AUTS2: variants seen among roughly 807,000 people sequenced by gnomAD.
AUTS2 encodes the protein autism susceptibility gene 2 protein.
A neutral mutation model predicts 112.4 loss-of-function variants in AUTS2; 17 were observed. That is an observed-to-expected ratio of 0.15 (90% CI 0.10 to 0.23). AUTS2 has a LOEUF of 0.23. Among genes scored for constraint, AUTS2 ranks in the 10% least tolerant of loss-of-function variants. The pLI is 1.00. For synonymous variants in AUTS2, 751 were observed against 702.7 expected, an observed-to-expected ratio of 1.07 and a Z score of -1.09; for missense variants, 1,510 against 1,701.6, an observed-to-expected ratio of 0.89 and a Z score of 1.98.
intron 2 of AUTS2, among the ~76,000 whole-genome samples, chr7:69,991,779 G>C (rs986689854): frequency 1.1e-4 from 16 of 152,136 alleles, no homozygotes; most frequent in African/African-American, 3.6e-4. Context: ...TTAAAAATTG[G>C]GAAACTGAAG....
At chr7:70,444,240 T>C (rs1796227815) in intron 5 of AUTS2, among the ~76,000 whole-genome samples, 1 of 152,008 alleles carries the variant, frequency 6.6e-6, no homozygotes, top group East Asian at 1.9e-4. Flanking sequence ...TCTGATAGAG[T>C]GTAACCTGGG....
At chr7:69,689,990 G>A (rs1290530395) in intron 1 of AUTS2, among the ~76,000 whole-genome samples, 2 of 151,966 alleles carry the variant, frequency 1.3e-5, no homozygotes, top group Admixed American at 1.3e-4. Context: ...ACTGCGCCCG[G>A]CCAACTCCTT....
chr7:69,795,155 A>G (rs1415773412), intron 1 of AUTS2, among the ~76,000 whole-genome samples: 1 of 152,230 alleles, frequency 6.6e-6, no homozygotes, highest in African/African-American at 2.4e-5. Flanking sequence ...GTTTGCTGCT[A>G]CTACTGTTAT....
intron 1 of AUTS2, among the ~76,000 whole-genome samples, chr7:69,869,445 A>G (rs917718): frequency 0.1 from 15,707 of 151,806 alleles, 1,324 homozygotes; most frequent in African/African-American, 0.23. Context: ...TTTATATCAC[A>G]TAAATTATTA....
At chr7:69,865,997 T>C (rs1793215066) in intron 1 of AUTS2, among the ~76,000 whole-genome samples, 1 of 152,226 alleles carries the variant, frequency 6.6e-6, no homozygotes, top group Non-Finnish European at 1.5e-5. Context: ...ACTTCACTGC[T>C]CATGAGTTCT....
chr7:70,084,137 T>C (rs1463969855), intron 2 of AUTS2, among the ~76,000 whole-genome samples: 2 of 152,178 alleles, frequency 1.3e-5, no homozygotes, highest in African/African-American at 4.8e-5. Flanking sequence ...GTTGTATACA[T>C]TTTTCTAGAA....
At chr7:70,732,897 A>T (rs189830309) in intron 6 of AUTS2, among the ~76,000 whole-genome samples, 1 of 152,244 alleles carries the variant, frequency 6.6e-6, no homozygotes, top group Non-Finnish European at 1.5e-5. Context: ...CTTGAGGTAG[A>T]TGTGGCACAT....
At position 69,758,963 on chromosome 7, in the gene AUTS2, A is replaced by AAAAT. The variant is rs1157799951; in HGVS notation, c.310-140310_310-140307dup. Among the ~76,000 whole-genome samples, 9 of 152,310 alleles carry AAAAT rather than the reference A, an allele frequency of 5.9e-5. No homozygotes were observed. The East Asian group carries it at 1.7e-3, about 29-fold the overall frequency. On this transcript the variant is annotated intron_variant, in intron 1 of 18. Coordinates refer to ENST00000342771, the MANE Select transcript of AUTS2 (RefSeq NM_015570.4). ...CCTTGTTTCTCTCTACATTAGACAA[A>AAAAT]AAATAAATAAATAAATGTGGGTGAG...
At chr7:69,835,460 G>A (rs1791680326) in intron 1 of AUTS2, among the ~76,000 whole-genome samples, 1 of 152,154 alleles carries the variant, frequency 6.6e-6, no homozygotes, top group Non-Finnish European at 1.5e-5. Flanking sequence ...TCCCATCACT[G>A]TTAGTGGGAG....
chr7:70,440,977 G>A (rs1796100409), intron 5 of AUTS2, among the ~76,000 whole-genome samples: 1 of 152,156 alleles, frequency 6.6e-6, no homozygotes, highest in South Asian at 2.1e-4. Context: ...AAATGTCAAA[G>A]GGAAACATGA....
chr7:69,988,245 T>C (rs1563018053), intron 2 of AUTS2, among the ~76,000 whole-genome samples: 1 of 152,232 alleles, frequency 6.6e-6, no homozygotes, highest in Non-Finnish European at 1.5e-5. Flanking sequence ...ACTTAGAATG[T>C]CTAAAAAGAT....
rs1806298311 is a variant in AUTS2, at chr7:70,132,026, TGTG to T, written c.625-2506_625-2504del. 2.6e-5 allele frequency among the ~76,000 whole-genome samples: 4 copies of T among 151,628 alleles called. No homozygotes were observed. The South Asian group carries it at 6.2e-4, about 24-fold the overall frequency. On this transcript the variant is annotated intron_variant, in intron 3 of 18. Transcript: ENST00000342771. ...GGAGTTGGCAAGTAGCCAAGAAAAA[TGTG>T]GTGAAAAGGGTTTAAGAGGGGAGGA...
intron 4 of AUTS2, among the ~76,000 whole-genome samples, chr7:70,330,142 T>G (rs2129619380): frequency 6.6e-6 from 1 of 152,308 alleles, no homozygotes; most frequent in Non-Finnish European, 1.5e-5. Flanking sequence ...AAGTCCAGTT[T>G]ATCTGTTTTT....
chr7:70,741,046 A>T (rs1456866140), intron 6 of AUTS2, among the ~76,000 whole-genome samples: 1 of 151,924 alleles, frequency 6.6e-6, no homozygotes, highest in Admixed American at 6.6e-5. Flanking sequence ...GTGAGCTGAG[A>T]TCGCACCACC....
chr7:70,687,346 A>G (rs1359722033), intron 5 of AUTS2, among the ~76,000 whole-genome samples: 1 of 152,200 alleles, frequency 6.6e-6, no homozygotes, highest in Non-Finnish European at 1.5e-5. Context: ...CCTACAGCCA[A>G]TTGGGTGACA....
Position 70,694,437 on chromosome 7 carries a change from G to C in AUTS2, c.691-4132G>C, listed in dbSNP as rs1328784531. 6.7e-6 allele frequency: 1 copy of C among 148,796 alleles called. No individual in the cohort carries two copies. The allele number at this position is 148,796 out of a possible 1,614,324, so 9.2% of individuals were successfully genotyped here. A position where few individuals can be genotyped will look rare whatever the true frequency, so the allele number is the denominator to read the frequency against. On this transcript the variant is annotated intron_variant, in intron 5 of 18. Coordinates refer to ENST00000342771, the MANE Select transcript of AUTS2 (RefSeq NM_015570.4). The surrounding 1 kb of genome is among the most constrained non-coding windows in gnomAD (Gnocchi z 4.1). ...AGGCAGCCCGCGGCGCGGCTGGAGA[G>C]GCGGGACCGGCTGTCGGGGAGCCCC... is the stretch of plus-strand genomic sequence containing the variant.
intron 1 of AUTS2, among the ~76,000 whole-genome samples, chr7:69,689,377 GTCTC>G (rs1396379760): frequency 8.3e-6 from 1 of 120,950 alleles, no homozygotes; most frequent in African/African-American, 3.2e-5. Context: ...TTGAGACGGA[GTCTC>G]TCTCTGTCGC....
intron 4 of AUTS2, among the ~76,000 whole-genome samples, chr7:70,340,276 A>G (rs73440729): frequency 0.017 from 2,528 of 152,158 alleles, 87 homozygotes; most frequent in African/African-American, 0.058. Context: ...ATAATGCAGC[A>G]TAAATGTCAA....
intron 1 of AUTS2, among the ~76,000 whole-genome samples, chr7:69,855,425 A>G (rs1792677099): frequency 6.6e-6 from 1 of 152,212 alleles, no homozygotes; most frequent in African/African-American, 2.4e-5. Context: ...AATGACTTTT[A>G]AGGCCTTTTG....
Sources: allele counts gnomAD v4.1 joint callset (sites outside exome capture counted in the v4.1 genomes callset), GRCh38; gene constraint gnomAD v4.1.1; non-coding constraint Gnocchi (gnomAD v3.1); transcripts MANE v1.5; gene names NCBI Gene and HGNC (gene_info 2026-07-23, HGNC 2026-07-21).